The following GPC6 variants were observed in gnomAD, a reference collection of about 807,000 sequenced individuals.
GPC6 encodes glypican 6, also known as glypican-6.
GPC6 carries 14 observed loss-of-function variants against 55.2 expected under a neutral mutation model. The observed-to-expected ratio is 0.25, with a 90% CI of 0.17 to 0.40. The LOEUF is 0.40. Ranked by LOEUF, GPC6 falls within the 10% of genes least tolerant of loss-of-function variation. The probability of loss-of-function intolerance (pLI) is 1.00; values close to 1 mark genes in which losing one functional copy is unlikely to be tolerated. For synonymous variants in GPC6, 278 were observed against 259.6 expected, an observed-to-expected ratio of 1.07 and a Z score of -0.68; for missense variants, 641 against 708.5, an observed-to-expected ratio of 0.90 and a Z score of 1.08.
At chr13:93,596,429 T>C (rs1877731599) in intron 2 of GPC6, among the ~76,000 whole-genome samples, 1 of 151,850 alleles carries the variant, frequency 6.6e-6, no homozygotes, top group South Asian at 2.1e-4. Flanking sequence ...TATCAGCTAG[T>C]ATTTGGGTTG....
At chr13:93,853,252 A>G (rs143065406) in intron 3 of GPC6, among the ~76,000 whole-genome samples, 18 of 151,852 alleles carry the variant, frequency 1.2e-4, no homozygotes, top group African/African-American at 4.1e-4. Context: ...CTTCTTGCCT[A>G]TATGTAATCT....
intron 6 of GPC6, among the ~76,000 whole-genome samples, chr13:94,324,635 G>C (rs1354417127): frequency 1.3e-5 from 2 of 151,528 alleles, no homozygotes; most frequent in East Asian, 1.9e-4. Context: ...TAAGACTTAC[G>C]GCACAAAGAT....
At chr13:94,337,459 C>CT (rs887676035) in intron 6 of GPC6, among the ~76,000 whole-genome samples, 2 of 148,388 alleles carry the variant, frequency 1.3e-5, no homozygotes, top group Non-Finnish European at 3.0e-5. Context: ...TTTTTTTTTC[C>CT]TTTTTTGAGG....
At chr13:93,358,051 A>C (rs893246587) in intron 1 of GPC6, among the ~76,000 whole-genome samples, 10 of 152,054 alleles carry the variant, frequency 6.6e-5, no homozygotes, top group Admixed American at 4.6e-4. Context: ...AATTTTTGTG[A>C]TAATAGTTAA....
intron 1 of GPC6, among the ~76,000 whole-genome samples, chr13:93,511,042 G>GT (rs142849504): frequency 3.8e-5 from 3 of 78,018 alleles, no homozygotes; most frequent in South Asian, 5.2e-4. Context: ...GAGATTATTT[G>GT]TTTTTTTTTC....
At chr13:94,342,358 G>A (rs1272794709) in intron 6 of GPC6, among the ~76,000 whole-genome samples, 1 of 152,120 alleles carries the variant, frequency 6.6e-6, no homozygotes, top group Non-Finnish European at 1.5e-5. Context: ...TCCAATGACT[G>A]GCTTCCTAAT....
intron 2 of GPC6, among the ~76,000 whole-genome samples, chr13:93,581,802 C>T (rs1424469870): frequency 6.6e-6 from 1 of 152,210 alleles, no homozygotes; most frequent in East Asian, 1.9e-4. Context: ...GTATTCCTAA[C>T]TTCTCCTTTG....
chr13:93,655,212 T>G (rs2139604442), intron 2 of GPC6, among the ~76,000 whole-genome samples: 1 of 152,250 alleles, frequency 6.6e-6, no homozygotes, highest in South Asian at 2.1e-4. Context: ...GCTGAATATT[T>G]GACAACAGTT....
At chr13:93,866,303 G>T (rs1037600648) in intron 3 of GPC6, among the ~76,000 whole-genome samples, 2 of 151,804 alleles carry the variant, frequency 1.3e-5, no homozygotes, top group Non-Finnish European at 1.5e-5. Context: ...ACACAAAACC[G>T]ATTCATGAAT....
At chr13:93,259,150 T>C (rs934099134) in intron 1 of GPC6, among the ~76,000 whole-genome samples, 1 of 152,194 alleles carries the variant, frequency 6.6e-6, no homozygotes, top group Non-Finnish European at 1.5e-5. Flanking sequence ...TTCTTTCCAC[T>C]GTAATTTCTC....
At chr13:93,989,622 G>GAT (rs1361375377) in intron 3 of GPC6, among the ~76,000 whole-genome samples, 3 of 152,118 alleles carry the variant, frequency 2.0e-5, no homozygotes, top group Non-Finnish European at 4.4e-5. Flanking sequence ...GGGAGATGAA[G>GAT]ATATACGTGC....
At chr13:93,737,438 A>C (rs1884045557) in intron 2 of GPC6, among the ~76,000 whole-genome samples, 1 of 152,190 alleles carries the variant, frequency 6.6e-6, no homozygotes, top group South Asian at 2.1e-4. Flanking sequence ...TAAAAACAAC[A>C]GGAGCACCAT....
chr13:94,315,512 G>A (rs958344676), intron 6 of GPC6, among the ~76,000 whole-genome samples: 2 of 152,096 alleles, frequency 1.3e-5, no homozygotes, highest in African/African-American at 4.8e-5. Context: ...ACCTGGAAGG[G>A]TCACATCATA....
intron 5 of GPC6, among the ~76,000 whole-genome samples, chr13:94,301,850 T>C (rs1875668701): frequency 6.6e-6 from 1 of 152,220 alleles, no homozygotes; most frequent in African/African-American, 2.4e-5. Context: ...CTGACTCTCA[T>C]TGAACCTATG....
At chr13:93,784,467 C>T (rs1323713313) in intron 2 of GPC6, among the ~76,000 whole-genome samples, 3 of 152,082 alleles carry the variant, frequency 2.0e-5, no homozygotes, top group South Asian at 4.1e-4. Flanking sequence ...TTTTCCAAAC[C>T]CCTTCCTCAA....
intron 2 of GPC6, among the ~76,000 whole-genome samples, chr13:93,551,898 C>T (rs1954737194): frequency 6.6e-6 from 1 of 152,158 alleles, no homozygotes; most frequent in Non-Finnish European, 1.5e-5. Context: ...CTAACAAATA[C>T]GTGTATAATC....
chr13:93,572,653 A>G (rs919083952), intron 2 of GPC6, among the ~76,000 whole-genome samples: 14 of 152,218 alleles, frequency 9.2e-5, no homozygotes, highest in African/African-American at 3.4e-4. Context: ...ATAGAAGGAT[A>G]TAAATTCTCA....
intron 4 of GPC6, among the ~76,000 whole-genome samples, chr13:94,250,721 A>C (rs9561518): frequency 0.042 from 6,388 of 152,138 alleles, 166 homozygotes; most frequent in Middle Eastern, 0.061. Context: ...GGGAATGGGG[A>C]AGTTGGATAT....
chr13:94,252,312 T>A (rs1891374684), intron 4 of GPC6, among the ~76,000 whole-genome samples: 2 of 152,170 alleles, frequency 1.3e-5, no homozygotes, highest in South Asian at 4.1e-4. Context: ...AACAGTTTAT[T>A]AATTATGATA....
Sources: allele counts gnomAD v4.1 joint callset (sites outside exome capture counted in the v4.1 genomes callset), GRCh38; gene constraint gnomAD v4.1.1; transcripts MANE v1.5; gene names NCBI Gene and HGNC (gene_info 2026-07-23, HGNC 2026-07-21).